Variants in KANSL1 observed in about 807,000 individuals in gnomAD.
The protein encoded by KANSL1 is MLL1/MLL complex subunit KANSL1.
KANSL1 carries 22 observed loss-of-function variants against 103.6 expected under a neutral mutation model. That is an observed-to-expected ratio of 0.21 (90% CI 0.15 to 0.30). KANSL1 has a LOEUF of 0.30. Ranked by LOEUF, KANSL1 falls within the 10% of genes least tolerant of loss-of-function variation. The pLI is 1.00. For synonymous variants in KANSL1, 600 were observed against 527.6 expected (o/e 1.14, Z -1.88); for missense variants, 1,337 against 1,399.8 (o/e 0.96, Z 0.72).
At chr17:46,127,759 C>A (rs1270719378) in intron 2 of KANSL1, among the ~76,000 whole-genome samples, 1 of 149,906 alleles carries the variant, frequency 6.7e-6, no homozygotes, top group African/African-American at 2.4e-5. Context: ...GCCTGGGCAA[C>A]AGAGCCAGAC....
intron 1 of KANSL1, chr17:46,221,385 C>T (rs2048529061): frequency 6.6e-6 from 1 of 151,668 alleles, no homozygotes; most frequent in Admixed American, 6.6e-5. Flanking sequence ...TATTCCTCTC[C>T]CATCTCACCC....
chr17:46,133,300 A>C (rs2147289998), intron 2 of KANSL1, among the ~76,000 whole-genome samples: 1 of 152,320 alleles, frequency 6.6e-6, no homozygotes, highest in South Asian at 2.1e-4. Flanking sequence ...TCCCCACCCA[A>C]GGGCATCGTT....
intron 1 of KANSL1, among the ~76,000 whole-genome samples, chr17:46,214,444 A>G (rs2048276962): frequency 6.6e-6 from 1 of 152,188 alleles, no homozygotes; most frequent in Admixed American, 6.5e-5. Context: ...ACCTGAGGTC[A>G]GGAGTTCGCA....
intron 2 of KANSL1, among the ~76,000 whole-genome samples, chr17:46,158,259 T>C (rs2045538316): frequency 6.6e-6 from 1 of 152,372 alleles, no homozygotes; most frequent in African/African-American, 2.4e-5. Flanking sequence ...AAGCATTTTA[T>C]TTTCCTTTTT....
chr17:46,196,188 T>C (rs2047601442), upstream of KANSL1: 1 of 394,864 alleles, frequency 2.5e-6, no homozygotes, highest in Non-Finnish European at 5.0e-6. Context: ...CAGTGAGTCA[T>C]GATCATGCCA....
intron 1 of KANSL1, among the ~76,000 whole-genome samples, chr17:46,206,004 T>C (rs2047955485): frequency 6.8e-6 from 1 of 146,122 alleles, no homozygotes; most frequent in Admixed American, 7.1e-5. Flanking sequence ...TTGAGCCTAG[T>C]AGGTTACAGC....
intron 4 of KANSL1, among the ~76,000 whole-genome samples, chr17:46,077,213 G>A (rs2078808934): frequency 6.6e-6 from 1 of 152,056 alleles, no homozygotes; most frequent in Admixed American, 6.6e-5. Flanking sequence ...CCCCACACCA[G>A]GCTCATTTTT....
chr17:46,048,714 AG>A (rs2077601015), intron 7 of KANSL1, among the ~76,000 whole-genome samples: 1 of 152,220 alleles, frequency 6.6e-6, no homozygotes, highest in Admixed American at 6.5e-5. Context: ...CATCTAGAAT[AG>A]TGGTTTCAAA....
At chr17:46,118,062 C>A (rs538527489) in intron 2 of KANSL1, among the ~76,000 whole-genome samples, 1 of 152,264 alleles carries the variant, frequency 6.6e-6, no homozygotes, top group East Asian at 1.9e-4. Flanking sequence ...CTCCCCACTA[C>A]CCCCACCCCA....
At chr17:46,033,345 A>C (rs2077062621) in intron 12 of KANSL1, 58 bp downstream of exon 12, 4 of 1,550,160 alleles carry the variant, frequency 2.6e-6, no homozygotes, top group Non-Finnish European at 3.6e-6. Flanking sequence ...GTGTGCACTC[A>C]TATGTATGTG....
chr17:46,042,094 A>C (rs1217634683), intron 7 of KANSL1: 1 of 151,808 alleles, frequency 6.6e-6, no homozygotes, highest in Non-Finnish European at 1.5e-5. Flanking sequence ...TTTTCAGTAG[A>C]GACGGGGTTT....
chr17:46,215,427 C>T (rs150037650), intron 1 of KANSL1, among the ~76,000 whole-genome samples: 1 of 152,300 alleles, frequency 6.6e-6, no homozygotes, highest in East Asian at 1.9e-4. Flanking sequence ...TGATCATACG[C>T]TTGAACATGC....
intron 1 of KANSL1, among the ~76,000 whole-genome samples, chr17:46,177,763 A>G (rs1296847175): frequency 6.6e-6 from 1 of 152,082 alleles, no homozygotes; most frequent in East Asian, 1.9e-4. Context: ...TAAGTAAAAC[A>G]AAATCACAGT....
chr17:46,054,817 A>C (rs1180526336), intron 6 of KANSL1, among the ~76,000 whole-genome samples: 1 of 149,880 alleles, frequency 6.7e-6, no homozygotes, highest in Non-Finnish European at 1.5e-5. Context: ...ATTCTCTCAC[A>C]TCGTGTCTTT....
Position 46,066,596 on chromosome 17 carries a change from G to A in KANSL1, c.1789C>T (p.Leu597=). ...TCVAARTRPV[L]SCKKRRLVRP... is the part of the protein sequence containing the mutation. The stretch of plus-strand genomic sequence containing the variant: ...ACAAGCCTCCGCTTCTTACAGCTCA[G>A]TACAGGACGTGTCCGGGCTGCCACA... The change falls in exon 6 of 15, where the codon CTG becomes TTG. Residue 597 remains leucine, a synonymous_variant. Transcript: ENST00000432791. The A allele has an allele frequency of 6.2e-7, 1 of 1,614,158 alleles. No individual in the cohort carries two copies. Among genetic ancestry groups the A allele is most frequent in the Non-Finnish European group, 8.5e-7 (1 of 1,180,030 alleles).
intron 2 of KANSL1, among the ~76,000 whole-genome samples, chr17:46,131,307 T>C (rs978751964): frequency 1.3e-5 from 2 of 152,246 alleles, no homozygotes; most frequent in Non-Finnish European, 2.9e-5. Flanking sequence ...GCTAACATGA[T>C]GTCCATCTAA....
chr17:46,062,922 T>C (rs2078232843), intron 6 of KANSL1, among the ~76,000 whole-genome samples: 2 of 152,010 alleles, frequency 1.3e-5, no homozygotes, highest in African/African-American at 2.4e-5. Context: ...TGGTGGCGTA[T>C]GCCTGTAACC....
Position 46,066,517 on chromosome 17 carries a change from C to CA in KANSL1, c.1848+19dup, listed in dbSNP as rs1248185820. On this transcript the variant is annotated intron_variant, in intron 6 of 14. Coordinates refer to ENST00000432791, the MANE Select transcript of KANSL1 (RefSeq NM_015443.4). ...ATCTGGCTCACTGCTTGACAATGAC[C>CA]AACTCTCATCTGTACCGACCTTCTT... 6.4e-7 allele frequency: 1 copy of CA among 1,573,972 alleles called. No homozygotes were observed. The highest frequency in any genetic ancestry group is 1.4e-5 in the African/African-American group (1 of 73,972).
At chr17:46,093,071 A>C (rs936742562) in intron 3 of KANSL1, 1 of 152,200 alleles carries the variant, frequency 6.6e-6, no homozygotes, top group African/African-American at 2.4e-5. Context: ...CTATTATACT[A>C]ATCTCAGTTG....
Sources: gnomAD v4.1 joint callset for allele counts (sites outside exome capture counted in the v4.1 genomes callset) on GRCh38, gnomAD v4.1.1 for gene constraint, MANE v1.5 for transcripts, NCBI Gene and HGNC (gene_info 2026-07-23, HGNC 2026-07-21) for gene names.